The following CYB5B variants were observed in gnomAD, a reference collection of about 807,000 sequenced individuals.
The protein encoded by CYB5B is cytochrome b5 type B (outer mitochondrial membrane).
Under a neutral mutation model 21.3 loss-of-function variants are expected in CYB5B, and 14 were observed. That is an observed-to-expected ratio of 0.66 (90% CI 0.43 to 1.03). The LOEUF (loss-of-function observed/expected upper bound fraction) is 1.03, where lower values mean the gene tolerates loss of function less well. Ranked by LOEUF, CYB5B falls within the 50% of genes least tolerant of loss-of-function variation. CYB5B has a pLI of 0.00. For missense variants in CYB5B, 166 were observed against 185.1 expected (o/e 0.90, Z 0.60); for synonymous variants, 69 against 68.4 (o/e 1.01, Z -0.04).
intron 1 of CYB5B, among the ~76,000 whole-genome samples, chr16:69,442,810 C>CT (rs1265962562): frequency 6.8e-6 from 1 of 147,298 alleles, no homozygotes; most frequent in African/African-American, 2.5e-5. Context: ...GTGTGAGCCA[C>CT]TGTGCCTAGC....
intron 3 of CYB5B, among the ~76,000 whole-genome samples, chr16:69,457,914 T>G (rs916231545): frequency 6.6e-6 from 1 of 152,182 alleles, no homozygotes; most frequent in African/African-American, 2.4e-5. Context: ...TGGAAATTCT[T>G]GGAGATTATT....
intron 1 of CYB5B, among the ~76,000 whole-genome samples, chr16:69,445,222 A>G (rs571971575): frequency 6.6e-6 from 1 of 152,238 alleles, no homozygotes; most frequent in Non-Finnish European, 1.5e-5. Flanking sequence ...ACAGTTTCAC[A>G]TATAATAACC....
intron 1 of CYB5B, among the ~76,000 whole-genome samples, chr16:69,433,150 G>T (rs1351712088): frequency 2.0e-5 from 3 of 152,186 alleles, no homozygotes; most frequent in Admixed American, 1.3e-4. Flanking sequence ...GTTTTTCATG[G>T]CTGCAGAGTA....
chr16:69,442,541 A>T (rs1432998895), intron 1 of CYB5B, among the ~76,000 whole-genome samples: 1 of 151,824 alleles, frequency 6.6e-6, no homozygotes, highest in African/African-American at 2.4e-5. Context: ...TGTATTTTTA[A>T]TTTTTTTAGT....
Position 69,447,195 on chromosome 16 carries a change from G to C in CYB5B, c.220G>C (p.Ala74Pro). The change falls in exon 2 of 5, where the codon GCA (alanine) becomes CCA (proline). Residue 74 changes from alanine (A) to proline (P), a missense_variant. Physicochemically the swap from Ala to Pro is conservative, Grantham distance 27. Transcript: ENST00000307892. ...EVLLEQAGVD[A>P]SESFEDVGHS... is the part of the protein sequence containing the mutation. ...TCTGCTGGAACAAGCTGGTGTAGAT[G>C]CAAGTGAAAGCTTTGAAGATGTAGG... The C allele has an allele frequency of 6.2e-7, 1 of 1,612,864 alleles. No homozygotes were observed. The highest frequency in any genetic ancestry group is 8.5e-7 in the Non-Finnish European group (1 of 1,179,490).
intron 4 of CYB5B, among the ~76,000 whole-genome samples, 161 bp from the exon 5 acceptor site, chr16:69,462,269 A>G (rs745982156): frequency 2.0e-5 from 3 of 152,178 alleles, no homozygotes; most frequent in Non-Finnish European, 2.9e-5. Context: ...TTGTCACTCC[A>G]ATTCAAATAT....
chr16:69,452,632 T>C (rs968475067), intron 3 of CYB5B, among the ~76,000 whole-genome samples: 2 of 152,132 alleles, frequency 1.3e-5, no homozygotes, highest in Non-Finnish European at 2.9e-5. Context: ...ATTGTGCCAG[T>C]GCACTCTAGT....
chr16:69,433,646 A>C (rs2014729277), intron 1 of CYB5B, among the ~76,000 whole-genome samples: 1 of 152,160 alleles, frequency 6.6e-6, no homozygotes, highest in South Asian at 2.1e-4. Context: ...TTTTTTCTCT[A>C]AATCAACTTA....
chr16:69,424,921 A>T (rs748027243), intron 1 of CYB5B, 64 bp downstream of exon 1: 23 of 1,412,956 alleles, frequency 1.6e-5, no homozygotes, highest in Non-Finnish European at 2.0e-5. Flanking sequence ...GGCTGTGTGG[A>T]GTGTATGTGG....
At chr16:69,456,698 A>G (rs2014986721) in intron 3 of CYB5B, among the ~76,000 whole-genome samples, 1 of 152,230 alleles carries the variant, frequency 6.6e-6, no homozygotes, top group Non-Finnish European at 1.5e-5. Flanking sequence ...AAAGTCAACT[A>G]TAAACTGTAA....
intron 1 of CYB5B, among the ~76,000 whole-genome samples, chr16:69,426,529 A>AC (rs1314599360): frequency 1.3e-4 from 20 of 150,584 alleles, no homozygotes; most frequent in Non-Finnish European, 2.4e-4. Flanking sequence ...ACATGGTGAA[A>AC]CCCCGACTCT....
At chr16:69,461,701 T>G (rs528509860) in intron 4 of CYB5B, among the ~76,000 whole-genome samples, 5 of 152,198 alleles carry the variant, frequency 3.3e-5, no homozygotes, top group Non-Finnish European at 7.4e-5. Flanking sequence ...CTTGCAGTAC[T>G]TTTGAAGCTG....
chr16:69,439,607 C>T (rs2014799029), intron 1 of CYB5B, among the ~76,000 whole-genome samples: 1 of 152,004 alleles, frequency 6.6e-6, no homozygotes, highest in African/African-American at 2.4e-5. Context: ...CACTCTGTCA[C>T]CTAGGCTGGA....
chr16:69,452,984 C>T lies in CYB5B; in HGVS notation c.333+4840C>T, dbSNP rs76755368. On this transcript the variant is annotated intron_variant, in intron 3 of 4. Coordinates refer to ENST00000307892, the MANE Select transcript of CYB5B (RefSeq NM_030579.3). The stretch of plus-strand genomic sequence containing the variant: ...AATGCACTCCAGCCTGGTGAGAGAG[C>T]GAGACTCTGTCTCAAAAAAAAAAAA... Among the ~76,000 whole-genome samples the T allele has an allele frequency of 4.1e-5, 6 of 146,186 alleles. No individual in the cohort carries two copies. In the South Asian group the frequency reaches 6.5e-4, roughly 16 times the overall value.
intron 1 of CYB5B, among the ~76,000 whole-genome samples, chr16:69,442,215 TC>T (rs1184157482): frequency 3.9e-5 from 6 of 152,192 alleles, no homozygotes; most frequent in African/African-American, 1.4e-4. Flanking sequence ...TAATGCTTTT[TC>T]TTTCTTTGTT....
At chr16:69,428,812 G>A (rs2014675274) in intron 1 of CYB5B, among the ~76,000 whole-genome samples, 2 of 152,136 alleles carry the variant, frequency 1.3e-5, no homozygotes, top group Non-Finnish European at 2.9e-5. Flanking sequence ...TAGCCATGAG[G>A]GTATCTGTAG....
chr16:69,437,330 G>A (rs1303675237), intron 1 of CYB5B, among the ~76,000 whole-genome samples: 3 of 152,080 alleles, frequency 2.0e-5, no homozygotes, highest in Non-Finnish European at 4.4e-5. Flanking sequence ...TTGGAAGAAT[G>A]TTTTTTTGCA....
chr16:69,462,442 T>C lies in CYB5B; in HGVS notation c.375T>C (p.Tyr125=), dbSNP rs962450672. 3.1e-6 allele frequency: 5 copies of C among 1,613,756 alleles called. No homozygotes were observed. In the African/African-American group the frequency reaches 5.3e-5, roughly 17 times the overall value. ...KNDTCKSCWA[Y]WILPIIGAVL... ...CCCCTATTCCTAGTTGCTGGGCATATTGGATTTTACCCATCATAGGCGCTG... is the reference window on the plus strand; with the variant it reads ...CCCCTATTCCTAGTTGCTGGGCATACTGGATTTTACCCATCATAGGCGCTG... The change falls in exon 5 of 5, where the codon TAT becomes TAC. Residue 125 remains tyrosine, a synonymous_variant. Transcript: ENST00000307892.
At chr16:69,446,281 A>G (rs1192109076) in intron 1 of CYB5B, among the ~76,000 whole-genome samples, 3 of 152,224 alleles carry the variant, frequency 2.0e-5, no homozygotes, top group Admixed American at 1.3e-4. Context: ...TGATAGTTAT[A>G]GAATCTACTT....
Sources: allele counts gnomAD v4.1 joint callset (sites outside exome capture counted in the v4.1 genomes callset), GRCh38; gene constraint gnomAD v4.1.1; transcripts MANE v1.5; gene names NCBI Gene and HGNC (gene_info 2026-07-23, HGNC 2026-07-21).